Variants in ZFHX3 observed in about 807,000 individuals in gnomAD.
ZFHX3 encodes zinc finger homeobox 3, also known as zinc finger homeobox protein 3.
In ZFHX3, 42 loss-of-function variants were observed where a neutral mutation model predicts 279.1. The ratio of observed to expected loss-of-function variants is 0.15; its 90% CI spans 0.12 to 0.19. The LOEUF is 0.19. Ranked by LOEUF, ZFHX3 falls within the 10% of genes least tolerant of loss-of-function variation. The probability of loss-of-function intolerance (pLI) is 1.00; values close to 1 mark genes in which losing one functional copy is unlikely to be tolerated. For missense variants in ZFHX3, 4,981 were observed against 4,754.0 expected, an observed-to-expected ratio of 1.05 and a Z score of -1.40; for synonymous variants, 2,293 against 1,957.8, an observed-to-expected ratio of 1.17 and a Z score of -4.52.
At chr16:73,746,263 G>A (rs1202940124) in intron 1 of ZFHX3, among the ~76,000 whole-genome samples, 1 of 152,190 alleles carries the variant, frequency 6.6e-6, no homozygotes, top group East Asian at 1.9e-4. Context: ...ATTATCTAGG[G>A]GAGGATTTGT....
chr16:73,176,251 G>C (rs772269543), intron 5 of ZFHX3, among the ~76,000 whole-genome samples: 14 of 152,172 alleles, frequency 9.2e-5, no homozygotes, highest in Non-Finnish European at 1.5e-4. Context: ...CATCTGCCAA[G>C]TCAGAAGGGT....
At chr16:73,718,480 G>A (rs1184495970) in intron 1 of ZFHX3, among the ~76,000 whole-genome samples, 1 of 152,160 alleles carries the variant, frequency 6.6e-6, no homozygotes, top group Non-Finnish European at 1.5e-5. Flanking sequence ...GTTTGGCAGG[G>A]ACATTTGCAA....
Position 72,950,942 on chromosome 16 carries a change from T to C in ZFHX3, c.2743A>G (p.Met915Val), listed in dbSNP as rs1170956577. The change falls in exon 3 of 10, where the codon ATG (methionine) becomes GTG (valine). Residue 915 changes from methionine (M) to valine (V), a missense_variant. This residue lies in a region of ZFHX3 where 1,751 missense variants were observed against 1,770.0 expected (regional missense o/e 0.99). Transcript: ENST00000268489. ...ALVGGEIPLD[M>V]RLGGGQLVSE... ...ACCAGCTGCCCGCCCCCGAGCCGCA[T>C]GTCTAGGGGGATCTCACCGCCCACT... The C allele has an allele frequency of 4.3e-6, 7 of 1,613,288 alleles. No individual in the cohort carries two copies. The highest frequency in any genetic ancestry group is 5.1e-6 in the Non-Finnish European group (6 of 1,179,456).
chr16:72,810,393 C>G (rs1295993897), intron 7 of ZFHX3, among the ~76,000 whole-genome samples: 2 of 152,102 alleles, frequency 1.3e-5, no homozygotes, highest in South Asian at 2.1e-4. Flanking sequence ...GCCATGTTGG[C>G]CAGGCTGGTC....
At chr16:73,529,764 T>G (rs1349766315) in intron 2 of ZFHX3, among the ~76,000 whole-genome samples, 3 of 152,168 alleles carry the variant, frequency 2.0e-5, no homozygotes, top group Non-Finnish European at 4.4e-5. Context: ...TGATTCAGAG[T>G]GCTCGAAATA....
chr16:73,547,520 T>A (rs1204737745), intron 2 of ZFHX3, among the ~76,000 whole-genome samples: 1 of 152,188 alleles, frequency 6.6e-6, no homozygotes, highest in Non-Finnish European at 1.5e-5. Context: ...TCCTTGCCAC[T>A]TTCCTTGCTA....
At chr16:73,284,056 C>T (rs1048531228) in intron 4 of ZFHX3, among the ~76,000 whole-genome samples, 3 of 152,078 alleles carry the variant, frequency 2.0e-5, no homozygotes, top group Non-Finnish European at 2.9e-5. Context: ...CGGTGGCTCA[C>T]GCCTGTAACC....
chr16:73,277,186 T>G (rs2014323129), intron 4 of ZFHX3, among the ~76,000 whole-genome samples: 1 of 152,238 alleles, frequency 6.6e-6, no homozygotes, highest in South Asian at 2.1e-4. Flanking sequence ...AAAACACGGT[T>G]GGCATGATCT....
intron 2 of ZFHX3, among the ~76,000 whole-genome samples, chr16:73,654,051 G>A (rs560584869): frequency 7.9e-5 from 12 of 152,122 alleles, no homozygotes; most frequent in African/African-American, 2.4e-4. Flanking sequence ...GGGCGTGGTG[G>A]CGGGCGCCTG....
chr16:73,621,103 G>A (rs1597032148), intron 2 of ZFHX3, among the ~76,000 whole-genome samples: 2 of 152,206 alleles, frequency 1.3e-5, no homozygotes, highest in East Asian at 3.9e-4. Context: ...CTGAGGAAGA[G>A]GTCTTGGGGA....
At chr16:73,392,235 C>T (rs1220077874) in intron 3 of ZFHX3, among the ~76,000 whole-genome samples, 1 of 151,600 alleles carries the variant, frequency 6.6e-6, no homozygotes, top group African/African-American at 2.4e-5. Flanking sequence ...GCCTGGCCAA[C>T]ATGGTAAAAC....
intron 2 of ZFHX3, among the ~76,000 whole-genome samples, chr16:73,493,165 AT>A (rs2019082554): frequency 6.6e-6 from 1 of 151,482 alleles, no homozygotes; most frequent in East Asian, 1.9e-4. Flanking sequence ...TGTGTCACCT[AT>A]TTTTTGCAGC....
At chr16:73,357,129 T>C (rs2016355634) in intron 3 of ZFHX3, among the ~76,000 whole-genome samples, 1 of 151,930 alleles carries the variant, frequency 6.6e-6, no homozygotes, top group African/African-American at 2.4e-5. Flanking sequence ...ACCTTCCAAA[T>C]AGATGATTTC....
intron 5 of ZFHX3, among the ~76,000 whole-genome samples, chr16:73,225,897 G>A (rs942515118): frequency 1.3e-5 from 2 of 152,166 alleles, no homozygotes; most frequent in South Asian, 4.2e-4. Flanking sequence ...CCTATTGACC[G>A]ACACCTACTA....
chr16:73,060,160 T>C (rs772297895), upstream of ZFHX3: 2 of 149,208 alleles, frequency 1.3e-5, no homozygotes, highest in Non-Finnish European at 3.0e-5. Context: ...AGCCAATATA[T>C]TTAAATATAG....
chr16:73,626,199 A>C (rs537657019), intron 2 of ZFHX3, among the ~76,000 whole-genome samples: 2 of 152,220 alleles, frequency 1.3e-5, no homozygotes, highest in Admixed American at 1.3e-4. Context: ...CTACATAATA[A>C]ATTTCACACA....
chr16:73,394,701 G>A (rs973995713), intron 3 of ZFHX3, among the ~76,000 whole-genome samples: 1 of 152,114 alleles, frequency 6.6e-6, no homozygotes, highest in Non-Finnish European at 1.5e-5. Context: ...AAACTGGTAT[G>A]GTAAATAACT....
intron 3 of ZFHX3, among the ~76,000 whole-genome samples, chr16:73,383,301 G>A (rs183461111): frequency 6.6e-6 from 1 of 152,328 alleles, no homozygotes; most frequent in African/African-American, 2.4e-5. Context: ...GGAGTGACAG[G>A]CAGCACAAAG....
chr16:73,654,899 C>A (rs368078620), intron 2 of ZFHX3, among the ~76,000 whole-genome samples: 3 of 122,552 alleles, frequency 2.4e-5, no homozygotes, highest in Non-Finnish European at 4.8e-5. Flanking sequence ...CTCACTGTGT[C>A]GCCCAGGTTG....
Sources: gnomAD v4.1 joint callset for allele counts (sites outside exome capture counted in the v4.1 genomes callset) on GRCh38, gnomAD v4.1.1 for gene constraint, gnomAD v4.1.1 regional missense constraint, MANE v1.5 for transcripts, NCBI Gene and HGNC (gene_info 2026-07-23, HGNC 2026-07-21) for gene names.